The following BDP1 variants were observed in gnomAD, a reference collection of about 807,000 sequenced individuals.
BDP1 encodes the protein transcription factor TFIIIB component B'' homolog.
A neutral mutation model predicts 266.6 loss-of-function variants in BDP1; 169 were observed. The observed-to-expected ratio is 0.63, with a 90% CI of 0.56 to 0.72. The LOEUF is 0.72. Among genes scored for constraint, BDP1 ranks in the 30% least tolerant of loss-of-function variants. BDP1 has a pLI of 0.00. For synonymous variants in BDP1, 1,090 were observed against 1,022.4 expected (o/e 1.07, Z -1.26); for missense variants, 3,015 against 3,053.8 (o/e 0.99, Z 0.30).
chr5:71,467,017 A>G (rs1761947040), intron 5 of BDP1, among the ~76,000 whole-genome samples: 1 of 152,218 alleles, frequency 6.6e-6, no homozygotes, highest in African/African-American at 2.4e-5. Flanking sequence ...CAAAATTTCC[A>G]TGGAGTCCAG....
chr5:71,469,966 C>T (rs1419464694), intron 6 of BDP1, among the ~76,000 whole-genome samples: 1 of 152,084 alleles, frequency 6.6e-6, no homozygotes, highest in Non-Finnish European at 1.5e-5. Context: ...CTCAGCCTCC[C>T]ACATAGCTGG....
At position 71,522,688 on chromosome 5, in the gene BDP1, C is replaced by G. The variant is rs924541440; in HGVS notation, c.5194-68C>G. ...TGTAAACTTAGAGGTTTAGGCCAAA[C>G]TACCAAACCAAATTAACATAGAGAT... On this transcript the variant is annotated intron_variant, in intron 23 of 38. Transcript: ENST00000358731. The G allele has an allele frequency of 6.8e-6, 10 of 1,465,256 alleles. No individual in the cohort carries two copies. In the Admixed American group the frequency reaches 1.6e-4, roughly 23 times the overall value. The allele number at this position is 1,465,256 out of a possible 1,614,324, so 90.8% of individuals were successfully genotyped here. A position where few individuals can be genotyped will look rare whatever the true frequency, so the allele number is the denominator to read the frequency against.
chr5:71,568,273 G>T (rs1011711763), downstream of BDP1, among the ~76,000 whole-genome samples: 1 of 152,108 alleles, frequency 6.6e-6, no homozygotes, highest in South Asian at 2.1e-4. Context: ...CTGCAGCATC[G>T]CATCCTGAAT....
Position 71,522,756 on chromosome 5 carries a change from G to T in BDP1, c.5194G>T (p.Glu1732Ter). 6.3e-7 allele frequency: 1 copy of T among 1,580,384 alleles called. No homozygotes were observed. Among genetic ancestry groups the T allele is most frequent in the Non-Finnish European group, 8.5e-7 (1 of 1,170,002 alleles). The change falls in exon 24 of 39, where the codon GAA (glutamate) becomes TAA (stop). Residue 1732 changes from glutamate to a stop codon, truncating the protein, a stop_gained and splice_region_variant. Coordinates refer to ENST00000358731, the MANE Select transcript of BDP1 (RefSeq NM_018429.3). LOFTEE classifies it high-confidence loss of function. Reference sequence around the variant, plus strand: ...TAGCTAATTTCTTCTTAAATTTAAGGAAAAAGCTGAGCTTCTGACATCTCT... The same window carrying T: ...TAGCTAATTTCTTCTTAAATTTAAGTAAAAAGCTGAGCTTCTGACATCTCT... ...GASNTQLLLK[E>*]KAELLTSLEV... is the part of the protein sequence containing the mutation.
chr5:71,539,556 G>C lies in BDP1; in HGVS notation c.5930-1G>C, dbSNP rs750174600. The C allele has an allele frequency of 1.2e-6, 2 of 1,602,630 alleles. No individual in the cohort carries two copies. The highest frequency in any genetic ancestry group is 2.2e-5 in the South Asian group (2 of 89,674). ...TTAATGTTGATATATTTCCTCACAA[G>C]GTACCAATGATGGAAGCACCGAAGC... On this transcript the variant is annotated splice_acceptor_variant, in intron 27 of 38. Coordinates refer to ENST00000358731, the MANE Select transcript of BDP1 (RefSeq NM_018429.3). LOFTEE classifies it high-confidence loss of function.
At chr5:71,522,539 T>C in intron 23 of BDP1, 49 bp downstream of exon 23, 1 of 1,476,144 alleles carries the variant, frequency 6.8e-7, no homozygotes. Flanking sequence ...CAATGAGGTC[T>C]GTTTTGTCAA....
intron 7 of BDP1, among the ~76,000 whole-genome samples, chr5:71,475,016 T>G (rs988975944): frequency 2.0e-5 from 3 of 152,164 alleles, no homozygotes; most frequent in Admixed American, 1.3e-4. Context: ...TTGGTAGTCT[T>G]TTTCTTCTCT....
intron 1 of BDP1, 53 bp downstream of exon 1, chr5:71,456,142 T>C: frequency 6.5e-7 from 1 of 1,533,848 alleles, no homozygotes; most frequent in Non-Finnish European, 8.9e-7. Context: ...TCCGGGCATG[T>C]CACCTGGAAG....
chr5:71,513,620 G>C (rs1476963083), intron 19 of BDP1, among the ~76,000 whole-genome samples: 2 of 152,094 alleles, frequency 1.3e-5, no homozygotes, highest in Admixed American at 1.3e-4. Flanking sequence ...CGTGTTGTGG[G>C]AAAGCGTTCA....
chr5:71,458,989 C>G, intron 2 of BDP1, 134 bp downstream of exon 2: 1 of 775,384 alleles, frequency 1.3e-6, no homozygotes, highest in Non-Finnish European at 2.0e-6. Flanking sequence ...TAGAACATCC[C>G]TTCTTGTTAA....
At chr5:71,522,721 G>T in intron 23 of BDP1, 35 bp from the exon 24 acceptor site, 2 of 1,550,532 alleles carry the variant, frequency 1.3e-6, no homozygotes, top group Non-Finnish European at 1.7e-6. Flanking sequence ...GATTGTTTCT[G>T]TAGTAATACT....
At chr5:71,545,340 C>T in intron 32 of BDP1, 121 bp downstream of exon 32, 1 of 825,136 alleles carries the variant, frequency 1.2e-6, no homozygotes. Context: ...TTTATTTCTT[C>T]TTTTTTTTTT....
chr5:71,561,389 G>A (rs200676174), intron 37 of BDP1, among the ~76,000 whole-genome samples: 4 of 152,174 alleles, frequency 2.6e-5, no homozygotes, highest in Non-Finnish European at 5.9e-5. Flanking sequence ...CAACAAGAGC[G>A]AAACTGTCTC....
intron 7 of BDP1, among the ~76,000 whole-genome samples, chr5:71,471,105 A>G (rs982517457): frequency 6.7e-6 from 1 of 150,268 alleles, no homozygotes; most frequent in Non-Finnish European, 1.5e-5. Flanking sequence ...AAAAGAGAAG[A>G]TAAATGTACC....
chr5:71,481,286 C>T (rs1034725786), intron 7 of BDP1, among the ~76,000 whole-genome samples: 2 of 148,288 alleles, frequency 1.3e-5, no homozygotes, highest in East Asian at 4.0e-4. Context: ...CGCGGTGGTT[C>T]ACACCTCTAA....
intron 7 of BDP1, among the ~76,000 whole-genome samples, chr5:71,472,004 A>G (rs1762278247): frequency 6.6e-6 from 1 of 152,240 alleles, no homozygotes; most frequent in Non-Finnish European, 1.5e-5. Context: ...CAAAATGTTA[A>G]AATTCTGTGA....
rs1229637936 is a variant in BDP1 at position 71,524,925 on chromosome 5, A to C, written c.5772+602A>C. On this transcript the variant is annotated intron_variant, in intron 25 of 38. Coordinates refer to ENST00000358731, the MANE Select transcript of BDP1 (RefSeq NM_018429.3). ...ATTCAACCCTGAGTGGACACAGCAC[A>C]TGTTTCAGAGAGCACAGGGTTGGGG... Among the ~76,000 whole-genome samples, 29 of 151,036 alleles carry C rather than the reference A, an allele frequency of 1.9e-4. No homozygotes were observed. The East Asian group carries it at 5.2e-3, about 27-fold the overall frequency.
chr5:71,570,457 T>C (rs1744229926), downstream of BDP1, among the ~76,000 whole-genome samples: 1 of 152,164 alleles, frequency 6.6e-6, no homozygotes, highest in Non-Finnish European at 1.5e-5. Context: ...GATATGAGGC[T>C]CTCTCCACTA....
the BDP1 span, among the ~76,000 whole-genome samples, chr5:71,574,432 AC>A: frequency 6.6e-6 from 1 of 152,006 alleles, no homozygotes; most frequent in Non-Finnish European, 1.5e-5. Flanking sequence ...TCAGACCACA[AC>A]CCCATTTCAG....
Sources: gnomAD v4.1 joint callset for allele counts (sites outside exome capture counted in the v4.1 genomes callset) on GRCh38, gnomAD v4.1.1 for gene constraint, MANE v1.5 for transcripts, NCBI Gene and HGNC (gene_info 2026-07-23, HGNC 2026-07-21) for gene names.